Variants in KDM4C observed in about 807,000 individuals in gnomAD.
The protein encoded by KDM4C is lysine demethylase 4C.
In KDM4C, 81 loss-of-function variants were observed where a neutral mutation model predicts 129.3. The observed-to-expected ratio is 0.63, with a 90% CI of 0.52 to 0.75. The LOEUF is 0.75. Ranked by LOEUF, KDM4C falls within the 30% of genes least tolerant of loss-of-function variation. The pLI, the probability that KDM4C is intolerant of heterozygous loss-of-function variation, is 0.00. For synonymous variants in KDM4C, 573 were observed against 456.1 expected, an observed-to-expected ratio of 1.26 and a Z score of -3.26; for missense variants, 1,457 against 1,304.0, an observed-to-expected ratio of 1.12 and a Z score of -1.81.
At chr9:6,890,513 T>C (rs1163923827) in intron 7 of KDM4C, among the ~76,000 whole-genome samples, 1 of 152,226 alleles carries the variant, frequency 6.6e-6, no homozygotes, top group Non-Finnish European at 1.5e-5. Flanking sequence ...TGTCTGCATT[T>C]AGATTATATC....
At chr9:6,844,617 C>G (rs989933814) in intron 4 of KDM4C, among the ~76,000 whole-genome samples, 1 of 152,202 alleles carries the variant, frequency 6.6e-6, no homozygotes, top group Non-Finnish European at 1.5e-5. Flanking sequence ...GGGTGCCTGT[C>G]AGCACTGTGA....
intron 2 of KDM4C, among the ~76,000 whole-genome samples, chr9:6,804,232 G>A (rs1163995730): frequency 1.3e-5 from 2 of 152,218 alleles, no homozygotes; most frequent in South Asian, 4.1e-4. Flanking sequence ...AAACACTGGT[G>A]TGCTGAGGCA....
chr9:6,899,581 A>G (rs1364508965), intron 8 of KDM4C, among the ~76,000 whole-genome samples: 2 of 147,178 alleles, frequency 1.4e-5, no homozygotes, highest in African/African-American at 5.0e-5. Context: ...TTAACTTGCT[A>G]GCTCATGAGA....
chr9:6,742,272 C>T (rs1329678362), intron 1 of KDM4C, among the ~76,000 whole-genome samples: 1 of 151,300 alleles, frequency 6.6e-6, no homozygotes, highest in Non-Finnish European at 1.5e-5. Flanking sequence ...CCTTGGCCCC[C>T]CAGAGTGCTG....
chr9:7,174,935 G>A lies in KDM4C; in HGVS notation c.*206G>A, dbSNP rs577819191. On this transcript the variant is annotated 3_prime_UTR_variant, in exon 22 of 22. Coordinates refer to ENST00000381309, the MANE Select transcript of KDM4C (RefSeq NM_015061.6). The stretch of plus-strand genomic sequence containing the variant: ...ACGCAGCAATCTGAAATCATCTCTA[G>A]TCTTGCTTTCACTTGTGAGCAGTTG... 7.8e-5 allele frequency: 37 copies of A among 477,106 alleles called. No individual in the cohort carries two copies. The highest frequency in any genetic ancestry group is 6.5e-4 in the African/African-American group (34 of 52,656). 29.6% of individuals were successfully genotyped at this position (477,106 alleles called of 1,614,324 possible). A position where few individuals can be genotyped will look rare whatever the true frequency, so the allele number is the denominator to read the frequency against.
intron 2 of KDM4C, among the ~76,000 whole-genome samples, chr9:6,802,365 A>G (rs1829165338): frequency 6.6e-6 from 1 of 152,202 alleles, no homozygotes; most frequent in Non-Finnish European, 1.5e-5. Context: ...AATTTGAACT[A>G]CACGTATCCT....
intron 18 of KDM4C, among the ~76,000 whole-genome samples, chr9:7,106,942 T>G (rs989438998): frequency 6.6e-5 from 10 of 152,198 alleles, no homozygotes; most frequent in African/African-American, 2.4e-4. Flanking sequence ...AGGCAGTGCT[T>G]GAAAAAAATA....
At chr9:6,725,226 G>C (rs574830435) in intron 1 of KDM4C, among the ~76,000 whole-genome samples, 1 of 152,148 alleles carries the variant, frequency 6.6e-6, no homozygotes, top group South Asian at 2.1e-4. Context: ...CATGTTGCAG[G>C]GGTAGAGCGC....
At position 6,859,355 on chromosome 9, in the gene KDM4C, G is replaced by T. The variant is rs527746608; in HGVS notation, c.629+9655G>T. Among the ~76,000 whole-genome samples the T allele has an allele frequency of 2.0e-5, 3 of 151,310 alleles. No individual in the cohort carries two copies. The East Asian group carries it at 5.9e-4, about 30-fold the overall frequency. On this transcript the variant is annotated intron_variant, in intron 5 of 21. Transcript: ENST00000381309. ...TTCGACGTAGTGGCCCACGCCTGTAGTCCCAGCTACTCGGGAGGCTGAGGC... is the reference window on the plus strand; with the variant it reads ...TTCGACGTAGTGGCCCACGCCTGTATTCCCAGCTACTCGGGAGGCTGAGGC...
chr9:7,007,001 T>C (rs1470438350), intron 12 of KDM4C, among the ~76,000 whole-genome samples: 1 of 152,234 alleles, frequency 6.6e-6, no homozygotes, highest in Non-Finnish European at 1.5e-5. Context: ...TTGAAGGTAT[T>C]GTTGCCAAGG....
intron 8 of KDM4C, among the ~76,000 whole-genome samples, chr9:6,934,397 G>A (rs527677676): frequency 2.6e-5 from 4 of 150,948 alleles, no homozygotes; most frequent in Non-Finnish European, 5.9e-5. Context: ...GGAGAATGGC[G>A]TGAACCCGGG....
intron 4 of KDM4C, among the ~76,000 whole-genome samples, chr9:6,848,460 A>T (rs928050787): frequency 6.6e-6 from 1 of 152,138 alleles, no homozygotes; most frequent in African/African-American, 2.4e-5. Context: ...TGAGGCCAGG[A>T]GTTCGAGACC....
At chr9:6,957,817 C>T (rs1829340541) in intron 8 of KDM4C, among the ~76,000 whole-genome samples, 1 of 152,116 alleles carries the variant, frequency 6.6e-6, no homozygotes, top group South Asian at 2.1e-4. Flanking sequence ...TGCTTCTTGG[C>T]TAGAAACCCT....
upstream of KDM4C, among the ~76,000 whole-genome samples, chr9:6,752,756 C>G (rs141815326): frequency 4.5e-3 from 686 of 152,196 alleles, 11 homozygotes; most frequent in African/African-American, 0.016. Flanking sequence ...TGGTCTCTTT[C>G]CAACTAATAT....
At chr9:7,059,253 G>A (rs376638388) in intron 17 of KDM4C, among the ~76,000 whole-genome samples, 59 of 152,024 alleles carry the variant, frequency 3.9e-4, no homozygotes, top group African/African-American at 1.3e-3. Context: ...GGGCTTAAGC[G>A]ATCCTCCCAC....
chr9:6,803,034 A>G (rs116309817), intron 2 of KDM4C, among the ~76,000 whole-genome samples: 1 of 152,236 alleles, frequency 6.6e-6, no homozygotes, highest in African/African-American at 2.4e-5. Flanking sequence ...ATATAGAAGC[A>G]TAAAACTAAA....
chr9:7,016,401 A>T (rs1004073730), intron 15 of KDM4C, among the ~76,000 whole-genome samples: 3 of 148,138 alleles, frequency 2.0e-5, no homozygotes, highest in African/African-American at 7.5e-5. Context: ...TGCTGGGATT[A>T]CAGGCGGGAG....
At chr9:6,956,983 T>G (rs927818307) in intron 8 of KDM4C, among the ~76,000 whole-genome samples, 3 of 152,184 alleles carry the variant, frequency 2.0e-5, no homozygotes, top group African/African-American at 7.2e-5. Context: ...AGTGTTAAGT[T>G]GCAGTCTTTC....
chr9:6,952,894 T>C (rs992473078), intron 8 of KDM4C, among the ~76,000 whole-genome samples: 1 of 152,238 alleles, frequency 6.6e-6, no homozygotes, highest in Admixed American at 6.5e-5. Context: ...TCAACATTTG[T>C]ACAGTGAGCA....
Sources: gnomAD v4.1 joint callset for allele counts (sites outside exome capture counted in the v4.1 genomes callset) on GRCh38, gnomAD v4.1.1 for gene constraint, MANE v1.5 for transcripts, NCBI Gene and HGNC (gene_info 2026-07-23, HGNC 2026-07-21) for gene names.